Variants in CACNA1C observed in about 807,000 individuals in gnomAD.
The protein encoded by CACNA1C is calcium voltage-gated channel subunit alpha1 C, also known as voltage-dependent L-type calcium channel subunit alpha-1C.
CACNA1C carries 30 observed loss-of-function variants against 229.0 expected under a neutral mutation model. That is an observed-to-expected ratio of 0.13 (90% CI 0.10 to 0.18). The LOEUF (loss-of-function observed/expected upper bound fraction) is 0.18. CACNA1C is among the 10% of genes least tolerant of loss of function. The pLI, the probability that CACNA1C is intolerant of heterozygous loss-of-function variation, is 1.00. For missense variants in CACNA1C, 1,658 were observed against 2,845.0 expected (o/e 0.58, Z 9.49); for synonymous variants, 1,114 against 1,132.5 (o/e 0.98, Z 0.33).
intron 3 of CACNA1C, among the ~76,000 whole-genome samples, chr12:2,198,118 G>C (rs2097467097): frequency 6.6e-6 from 1 of 152,196 alleles, no homozygotes; most frequent in African/African-American, 2.4e-5. Context: ...GCCCTGGCTG[G>C]GAGTCGAGGC....
rs2097695325 is a variant in CACNA1C at position 2,689,426 on chromosome 12, T to G, written c.6117+647T>G. On this transcript the variant is annotated intron_variant, in intron 46 of 46. Coordinates refer to ENST00000399655, the MANE Select transcript of CACNA1C (RefSeq NM_000719.7). The surrounding 1 kb of genome is among the most constrained non-coding windows in gnomAD (Gnocchi z 4.2). ...AGAAAACCTGGAGAGGAGGTGACTT[T>G]GGAGGGTGCGATACACCTCTCACAC... Among the ~76,000 whole-genome samples the G allele has an allele frequency of 6.6e-6, 1 of 152,094 alleles. No individual in the cohort carries two copies. The highest frequency in any genetic ancestry group is 2.4e-5 in the African/African-American group (1 of 41,424).
At chr12:2,620,988 T>C (rs1391096831) in intron 29 of CACNA1C, among the ~76,000 whole-genome samples, 3 of 152,222 alleles carry the variant, frequency 2.0e-5, no homozygotes, top group African/African-American at 7.2e-5. Flanking sequence ...CTCTACACAG[T>C]CCTACTTTCT....
chr12:2,524,355 C>T (rs2099815024), intron 9 of CACNA1C, among the ~76,000 whole-genome samples: 1 of 152,166 alleles, frequency 6.6e-6, no homozygotes, highest in South Asian at 2.1e-4. Context: ...GACAGATGCA[C>T]CAACAGACAG....
intron 3 of CACNA1C, among the ~76,000 whole-genome samples, chr12:2,272,986 A>G (rs1279898223): frequency 6.6e-6 from 1 of 152,210 alleles, no homozygotes; most frequent in African/African-American, 2.4e-5. Flanking sequence ...TCCCAGTGAT[A>G]TCTTTGCTTC....
In CACNA1C at chr12:2,630,780, C is replaced by T. The variant is rs1353862096; in HGVS notation, c.3829-3517C>T. Among the ~76,000 whole-genome samples, 3 of 152,192 alleles carry T rather than the reference C, an allele frequency of 2.0e-5. No homozygotes were observed. Among genetic ancestry groups the T allele is most frequent in the Non-Finnish European group, 4.4e-5 (3 of 68,036 alleles). On this transcript the variant is annotated intron_variant, in intron 29 of 46. Transcript: ENST00000399655. The surrounding 1 kb of genome is among the most constrained non-coding windows in gnomAD (Gnocchi z 5.4). Reference sequence around the variant, plus strand: ...CAAGGAACCTGGTTGGTTTCTGCAGCTCCCAGGTAGTGTGCCACCAAACAG... The same window carrying T: ...CAAGGAACCTGGTTGGTTTCTGCAGTTCCCAGGTAGTGTGCCACCAAACAG...
chr12:2,052,372 A>G (rs77464352), upstream of CACNA1C, among the ~76,000 whole-genome samples: 3 of 152,156 alleles, frequency 2.0e-5, no homozygotes, highest in East Asian at 5.9e-4. Flanking sequence ...TTGATCAAAC[A>G]GAATCACGGA....
In CACNA1C at chr12:2,677,694, A is replaced by C; in HGVS notation, c.4957-39A>C. ...TGGCTGGCTGGGGAGCTTGGAGGAA[A>C]GGGAGCGTGGTCCTCACCATCCTCC... On this transcript the variant is annotated intron_variant, in intron 40 of 46. Coordinates refer to ENST00000399655, the MANE Select transcript of CACNA1C (RefSeq NM_000719.7). This position sits in a 1 kb window ranked among gnomAD's most constrained non-coding sequence, Gnocchi z 7.4. 1 of 1,592,592 alleles carries C rather than the reference A, an allele frequency of 6.3e-7. No individual in the cohort carries two copies. Among genetic ancestry groups the C allele is most frequent in the Non-Finnish European group, 8.5e-7 (1 of 1,170,888 alleles).
intron 3 of CACNA1C, among the ~76,000 whole-genome samples, chr12:2,329,780 G>A (rs569384755): frequency 6.6e-6 from 1 of 152,246 alleles, no homozygotes; most frequent in East Asian, 1.9e-4. Flanking sequence ...AAAACAAGTG[G>A]CAGCTGGGCG....
intron 1 of CACNA1C, among the ~76,000 whole-genome samples, chr12:2,061,373 A>G (rs1301733028): frequency 1.3e-5 from 2 of 152,216 alleles, no homozygotes; most frequent in African/African-American, 4.8e-5. Flanking sequence ...TCAATATTTT[A>G]AAGGTGAAAA....
intron 3 of CACNA1C, among the ~76,000 whole-genome samples, chr12:2,247,648 G>A (rs2073927350): frequency 6.6e-6 from 1 of 152,160 alleles, no homozygotes; most frequent in African/African-American, 2.4e-5. Context: ...CCCTATGGAC[G>A]ATGGCAAGAT....
At chr12:2,680,243 A>T in intron 42 of CACNA1C, 1 of 698,982 alleles carries the variant, frequency 1.4e-6, no homozygotes, top group Non-Finnish European at 2.3e-6. Flanking sequence ...CCCCTGTGGG[A>T]GGCGCCATCT....
intron 3 of CACNA1C, among the ~76,000 whole-genome samples, chr12:2,259,653 T>G (rs1452979160): frequency 6.6e-6 from 1 of 152,222 alleles, no homozygotes. Flanking sequence ...CAGATCTAAG[T>G]GTGTAGCTTT....
intron 3 of CACNA1C, among the ~76,000 whole-genome samples, chr12:2,414,271 G>A (rs1207946479): frequency 6.6e-6 from 1 of 152,162 alleles, no homozygotes; most frequent in African/African-American, 2.4e-5. Context: ...CTCCACTAGA[G>A]CCCATCATTT....
chr12:2,302,914 G>T (rs544140228), intron 3 of CACNA1C, among the ~76,000 whole-genome samples: 4 of 152,232 alleles, frequency 2.6e-5, no homozygotes, highest in Non-Finnish European at 5.9e-5. Flanking sequence ...TCCTGCTTTG[G>T]CTGGGCTTGC....
In CACNA1C at chr12:2,448,979, C is replaced by T. The variant is rs1555599537; in HGVS notation, c.481C>T (p.Arg161Ter). The change falls in exon 4 of 47, where the codon CGA (arginine) becomes TGA (stop). Residue 161 changes from arginine (R) to a stop codon, truncating the protein, a stop_gained. Coordinates refer to ENST00000399655, the MANE Select transcript of CACNA1C (RefSeq NM_000719.7). LOFTEE classifies it high-confidence loss of function. ...CTTTTCTATTTCTGTTTCCTAGGAACGAGTGGAATATCTCTTTCTCATAAT... is the reference window on the plus strand; with the variant it reads ...CTTTTCTATTTCTGTTTCCTAGGAATGAGTGGAATATCTCTTTCTCATAAT... ...DSNATNSNLE[R>*]VEYLFLIIFT... 6.2e-7 allele frequency: 1 copy of T among 1,606,408 alleles called. No homozygotes were observed. Among genetic ancestry groups the T allele is most frequent in the Non-Finnish European group, 8.5e-7 (1 of 1,174,956 alleles).
chr12:2,561,103 C>T (rs550263380), intron 11 of CACNA1C, among the ~76,000 whole-genome samples: 2 of 152,284 alleles, frequency 1.3e-5, no homozygotes, highest in Non-Finnish European at 2.9e-5. Flanking sequence ...GCTGCTCAAC[C>T]GTGCCATCAG....
intron 1 of CACNA1C, among the ~76,000 whole-genome samples, chr12:2,032,989 C>T (rs992881730): frequency 6.6e-6 from 1 of 152,140 alleles, no homozygotes; most frequent in Non-Finnish European, 1.5e-5. Flanking sequence ...ATTAATGTTT[C>T]CCAGTTTGAT....
At chr12:2,005,799 T>C (rs550171011) in intron 1 of CACNA1C, among the ~76,000 whole-genome samples, 1 of 152,372 alleles carries the variant, frequency 6.6e-6, no homozygotes, top group East Asian at 1.9e-4. Flanking sequence ...GGTGGACTAA[T>C]GGATTTTTAA....
intron 3 of CACNA1C, among the ~76,000 whole-genome samples, chr12:2,302,370 G>A (rs1013025124): frequency 6.6e-6 from 1 of 151,738 alleles, no homozygotes; most frequent in Non-Finnish European, 1.5e-5. Flanking sequence ...CTAGTGCCAG[G>A]CTGCCCAAGT....
Sources: gnomAD v4.1 joint callset for allele counts (sites outside exome capture counted in the v4.1 genomes callset) on GRCh38, gnomAD v4.1.1 for gene constraint, Gnocchi (gnomAD v3.1) non-coding constraint, MANE v1.5 for transcripts, NCBI Gene and HGNC (gene_info 2026-07-23, HGNC 2026-07-21) for gene names.